The following CCNY variants were observed in gnomAD, a reference collection of about 807,000 sequenced individuals.
CCNY encodes cyclin Y, also known as cyclin-Y.
Under a neutral mutation model 42.8 loss-of-function variants are expected in CCNY, and 19 were observed. That is an observed-to-expected ratio of 0.44 (90% CI 0.31 to 0.65). The LOEUF (loss-of-function observed/expected upper bound fraction) is 0.65. CCNY is among the 30% of genes least tolerant of loss of function. The pLI, the probability that CCNY is intolerant of heterozygous loss-of-function variation, is 0.07. For missense variants in CCNY, 370 were observed against 437.3 expected (o/e 0.85, Z 1.37); for synonymous variants, 165 against 162.7 (o/e 1.01, Z -0.11).
intron 3 of CCNY, among the ~76,000 whole-genome samples, chr10:35,502,878 A>G (rs973030683): frequency 6.6e-6 from 1 of 152,064 alleles, no homozygotes. Context: ...CATTACACTC[A>G]TTAGCATGCC....
At chr10:35,279,476 C>T (rs1035394774) in intron 3 of CCNY, among the ~76,000 whole-genome samples, 7 of 152,162 alleles carry the variant, frequency 4.6e-5, no homozygotes, top group African/African-American at 1.7e-4. Context: ...AATGTCCACT[C>T]CCATCTGCTC....
intron 3 of CCNY, among the ~76,000 whole-genome samples, chr10:35,313,083 C>T (rs1363408980): frequency 1.3e-5 from 2 of 152,144 alleles, no homozygotes; most frequent in Admixed American, 6.6e-5. Flanking sequence ...AGTTCCTTCA[C>T]CTTTCCCACA....
chr10:35,466,953 C>CTTAAAATGAT (rs1182582027), intron 1 of CCNY, among the ~76,000 whole-genome samples: 11 of 152,238 alleles, frequency 7.2e-5, no homozygotes, highest in African/African-American at 2.4e-4. Flanking sequence ...AATTTTAAAT[C>CTTAAAATGAT]TTAAAATGAA....
intron 1 of CCNY, among the ~76,000 whole-genome samples, chr10:35,439,550 A>AGT (rs140918740): frequency 0.032 from 4,629 of 142,816 alleles, 105 homozygotes; most frequent in African/African-American, 0.062. Flanking sequence ...TTTTGTTTCA[A>AGT]GTGTGTGTGT....
At chr10:35,295,198 A>G (rs1336493894) in intron 3 of CCNY, among the ~76,000 whole-genome samples, 1 of 151,712 alleles carries the variant, frequency 6.6e-6, no homozygotes, top group Non-Finnish European at 1.5e-5. Flanking sequence ...GTTGGCATAC[A>G]GATATTGATA....
In CCNY at chr10:35,429,985, A is replaced by G. The variant is rs1018102942; in HGVS notation, c.155-53419A>G. Among the ~76,000 whole-genome samples the G allele has an allele frequency of 2.6e-5, 4 of 152,134 alleles. No homozygotes were observed. The East Asian group carries it at 7.7e-4, about 29-fold the overall frequency. On this transcript the variant is annotated intron_variant, in intron 1 of 9. Coordinates refer to ENST00000374704, the MANE Select transcript of CCNY (RefSeq NM_145012.6). ...AGCTTTGGAACATAGAAGACTTTGC[A>G]TGTCCCATTTGTTCTGTTCCTAAGT...
At chr10:35,537,144 G>T (rs1365596380) in intron 7 of CCNY, among the ~76,000 whole-genome samples, 4 of 152,228 alleles carry the variant, frequency 2.6e-5, no homozygotes, top group Non-Finnish European at 4.4e-5. Context: ...TCGGGCTGTT[G>T]CTTCAGAGGG....
At chr10:35,440,907 A>G (rs1032097078) in intron 1 of CCNY, among the ~76,000 whole-genome samples, 1 of 152,178 alleles carries the variant, frequency 6.6e-6, no homozygotes, top group Non-Finnish European at 1.5e-5. Context: ...ATTTTAAGAC[A>G]TCTCTTTTCA....
chr10:35,391,218 G>A (rs1837405859), intron 1 of CCNY, among the ~76,000 whole-genome samples: 1 of 152,198 alleles, frequency 6.6e-6, no homozygotes, highest in South Asian at 2.1e-4. Flanking sequence ...CCTGATGCAG[G>A]TAGCCCCTAC....
intron 1 of CCNY, among the ~76,000 whole-genome samples, chr10:35,467,461 G>A (rs1410614701): frequency 3.3e-5 from 5 of 152,204 alleles, no homozygotes; most frequent in Non-Finnish European, 7.3e-5. Context: ...CTAGGGTGAA[G>A]AGGATGACAT....
chr10:35,529,037 G>A (rs777075131), intron 5 of CCNY, among the ~76,000 whole-genome samples: 8 of 152,160 alleles, frequency 5.3e-5, no homozygotes, highest in Non-Finnish European at 7.3e-5. Flanking sequence ...GCTGTCACTC[G>A]TGAGGTACGG....
At chr10:35,425,617 C>G (rs1789570786) in intron 1 of CCNY, among the ~76,000 whole-genome samples, 1 of 152,116 alleles carries the variant, frequency 6.6e-6, no homozygotes, top group Admixed American at 6.5e-5. Context: ...GGTAAGAATG[C>G]ACCAATGTTT....
intron 1 of CCNY, among the ~76,000 whole-genome samples, chr10:35,393,504 C>T (rs1837458769): frequency 6.6e-6 from 1 of 152,194 alleles, no homozygotes; most frequent in Admixed American, 6.5e-5. Flanking sequence ...GGGACACCTG[C>T]CTTGCTCACA....
intron 3 of CCNY, among the ~76,000 whole-genome samples, chr10:35,297,662 G>A (rs1252396467): frequency 1.3e-5 from 2 of 152,034 alleles, no homozygotes; most frequent in Non-Finnish European, 2.9e-5. Flanking sequence ...CAAAATTAAC[G>A]TACAAAAATC....
At chr10:35,482,032 T>G (rs1839680874) in intron 1 of CCNY, among the ~76,000 whole-genome samples, 1 of 152,214 alleles carries the variant, frequency 6.6e-6, no homozygotes, top group African/African-American at 2.4e-5. Context: ...AGCATCTGTT[T>G]AAGATTCAAT....
intron 1 of CCNY, among the ~76,000 whole-genome samples, chr10:35,422,721 T>G (rs1455308209): frequency 6.6e-6 from 1 of 152,242 alleles, no homozygotes; most frequent in African/African-American, 2.4e-5. Context: ...CTTATTTTTT[T>G]GTCATTTAAG....
At chr10:35,514,152 G>A (rs1005983540) in intron 3 of CCNY, among the ~76,000 whole-genome samples, 7 of 151,342 alleles carry the variant, frequency 4.6e-5, no homozygotes, top group African/African-American at 1.5e-4. Context: ...CAGCTATTTC[G>A]GCTTTTTAGT....
chr10:35,382,161 CT>C (rs1365908508), intron 1 of CCNY, among the ~76,000 whole-genome samples: 2 of 152,154 alleles, frequency 1.3e-5, no homozygotes, highest in Non-Finnish European at 2.9e-5. Flanking sequence ...GATTGAGAAT[CT>C]TTCATATGTG....
Position 35,538,759 on chromosome 10 carries a change from C to G in CCNY, c.579+8516C>G, listed in dbSNP as rs112126029. Among the ~76,000 whole-genome samples the G allele has an allele frequency of 3.4e-3, 512 of 152,224 alleles. 4 individuals carry two copies. The highest frequency in any genetic ancestry group is 0.012 in the African/African-American group (482 of 41,540). On this transcript the variant is annotated intron_variant, in intron 7 of 9. Coordinates refer to ENST00000374704, the MANE Select transcript of CCNY (RefSeq NM_145012.6). ...CATTTTCTTGTCTGTTTTGTCATTTCTTTTTTGTAATGGTATCAGTTTGCA... is the reference window on the plus strand; with the variant it reads ...CATTTTCTTGTCTGTTTTGTCATTTGTTTTTTGTAATGGTATCAGTTTGCA...
Sources: gnomAD v4.1 joint callset for allele counts (sites outside exome capture counted in the v4.1 genomes callset) on GRCh38, gnomAD v4.1.1 for gene constraint, MANE v1.5 for transcripts, NCBI Gene and HGNC (gene_info 2026-07-23, HGNC 2026-07-21) for gene names.